The following TSPAN9 variants were observed in gnomAD, a reference collection of about 807,000 sequenced individuals.
The protein encoded by TSPAN9 is tetraspanin-9.
TSPAN9 carries 16 observed loss-of-function variants against 31.0 expected under a neutral mutation model. The ratio of observed to expected loss-of-function variants is 0.52; its 90% CI spans 0.35 to 0.78. The LOEUF (loss-of-function observed/expected upper bound fraction) is 0.78. Among genes scored for constraint, TSPAN9 ranks in the 30% least tolerant of loss-of-function variants. The pLI, the probability that TSPAN9 is intolerant of heterozygous loss-of-function variation, is 0.01. For synonymous variants in TSPAN9, 145 were observed against 121.6 expected (o/e 1.19, Z -1.27); for missense variants, 272 against 312.5 (o/e 0.87, Z 0.98).
At chr12:3,081,096 T>C (rs374967482) in intron 1 of TSPAN9, among the ~76,000 whole-genome samples, 3 of 152,296 alleles carry the variant, frequency 2.0e-5, no homozygotes, top group East Asian at 3.9e-4. Flanking sequence ...ACTCAGGGTG[T>C]TGGGAAGGAG....
intron 3 of TSPAN9, among the ~76,000 whole-genome samples, chr12:3,218,954 G>A (rs559838810): frequency 6.6e-5 from 10 of 152,308 alleles, no homozygotes; most frequent in Non-Finnish European, 1.0e-4. Flanking sequence ...TGGTGGACAT[G>A]TCAGCTGTCA....
chr12:3,225,903 C>T (rs773160993), intron 3 of TSPAN9, among the ~76,000 whole-genome samples: 30 of 152,126 alleles, frequency 2.0e-4, no homozygotes, highest in Non-Finnish European at 3.4e-4. Flanking sequence ...CCCAGAGGGA[C>T]GGTCCATGTG....
At chr12:3,267,076 C>A (rs2153979587) in intron 3 of TSPAN9, among the ~76,000 whole-genome samples, 1 of 152,324 alleles carries the variant, frequency 6.6e-6, no homozygotes, top group African/African-American at 2.4e-5. Flanking sequence ...GAGAGGCACC[C>A]AGTCATGAAG....
At chr12:3,205,628 C>T (rs1303452842) in intron 3 of TSPAN9, among the ~76,000 whole-genome samples, 1 of 152,062 alleles carries the variant, frequency 6.6e-6, no homozygotes, top group African/African-American at 2.4e-5. Context: ...CTCAAGGGTC[C>T]CAGCAGGGAG....
At chr12:3,268,065 G>C (rs2153979663) in intron 3 of TSPAN9, among the ~76,000 whole-genome samples, 1 of 152,340 alleles carries the variant, frequency 6.6e-6, no homozygotes, top group South Asian at 2.1e-4. Context: ...GGGAAGCGAA[G>C]CCTCCAGTGG....
chr12:3,144,636 G>C (rs1042002716), intron 2 of TSPAN9, among the ~76,000 whole-genome samples: 2 of 152,188 alleles, frequency 1.3e-5, no homozygotes, highest in Non-Finnish European at 2.9e-5. Context: ...AAGCCTCCCA[G>C]CTCGGGGTAC....
chr12:3,271,006 C>G (rs925980048), intron 3 of TSPAN9, among the ~76,000 whole-genome samples: 4 of 152,250 alleles, frequency 2.6e-5, no homozygotes, highest in African/African-American at 9.6e-5. Context: ...TAGACATTCT[C>G]TCTTAGAACT....
chr12:3,158,254 G>A lies in TSPAN9; in HGVS notation c.-17-42923G>A, dbSNP rs573990094. 3.3e-5 allele frequency among the ~76,000 whole-genome samples: 5 copies of A among 152,308 alleles called. No individual in the cohort carries two copies. The South Asian group carries it at 1.0e-3, about 32-fold the overall frequency. ...CCCATGGATGCCTCCTACAAGATCT[G>A]TGGAAGTGGCTGTTCAGTCTGTCTG... is the stretch of plus-strand genomic sequence containing the variant. On this transcript the variant is annotated intron_variant, in intron 2 of 8. Coordinates refer to ENST00000011898, the MANE Select transcript of TSPAN9 (RefSeq NM_006675.5).
chr12:3,197,027 C>G (rs1286840222), intron 2 of TSPAN9, among the ~76,000 whole-genome samples: 1 of 152,132 alleles, frequency 6.6e-6, no homozygotes, highest in Non-Finnish European at 1.5e-5. Context: ...TCAGCCCCTC[C>G]AATTTGTTCA....
At chr12:3,083,066 C>T (rs1396215890) in intron 1 of TSPAN9, among the ~76,000 whole-genome samples, 1 of 152,238 alleles carries the variant, frequency 6.6e-6, no homozygotes, top group Non-Finnish European at 1.5e-5. Context: ...TATCCTCACA[C>T]CCCAAGTTAA....
intron 1 of TSPAN9, among the ~76,000 whole-genome samples, chr12:3,079,778 T>TA (rs2098296892): frequency 6.7e-6 from 1 of 150,290 alleles, no homozygotes. Flanking sequence ...TCTATTTTTT[T>TA]TTTTTTTTTT....
rs1461337700 is a variant in TSPAN9, at chr12:3,077,403, G to A, written c.-135G>A. ...TGTTTCCGCTGGCGGCGGCGGCGGC[G>A]GCGGTGCCGGAGCGCGAGCAGAGCG... On this transcript the variant is annotated 5_prime_UTR_variant, in exon 1 of 9. Transcript: ENST00000011898. 4 of 151,628 alleles carry A rather than the reference G, an allele frequency of 2.6e-5. No homozygotes were observed. Among genetic ancestry groups the A allele is most frequent in the African/African-American group, 9.7e-5 (4 of 41,158 alleles). The allele number at this position is 151,628 out of a possible 1,614,324, so 9.4% of individuals were successfully genotyped here.
intron 4 of TSPAN9, 114 bp from the exon 5 acceptor site, chr12:3,278,878 T>G: frequency 8.6e-7 from 1 of 1,156,330 alleles, no homozygotes; most frequent in Non-Finnish European, 1.3e-6. Flanking sequence ...GGAGCTGGCT[T>G]CTCCCAGACC....
At chr12:3,213,248 C>G (rs929511946) in intron 3 of TSPAN9, among the ~76,000 whole-genome samples, 9 of 152,166 alleles carry the variant, frequency 5.9e-5, no homozygotes, top group African/African-American at 1.7e-4. Context: ...AAGCAAACGG[C>G]AGTTGCTGGC....
At chr12:3,078,231 G>C (rs760797861) in intron 1 of TSPAN9, among the ~76,000 whole-genome samples, 1 of 152,058 alleles carries the variant, frequency 6.6e-6, no homozygotes, top group Non-Finnish European at 1.5e-5. Flanking sequence ...CAAAACGGGG[G>C]GTAAGAAGGC....
At chr12:3,276,453 G>GCTC (rs1862789462) in intron 3 of TSPAN9, among the ~76,000 whole-genome samples, 2 of 152,180 alleles carry the variant, frequency 1.3e-5, no homozygotes, top group African/African-American at 4.8e-5. Context: ...CGGCCAGCGT[G>GCTC]CTCCTCCTTG....
intron 3 of TSPAN9, among the ~76,000 whole-genome samples, chr12:3,217,230 C>A (rs911231458): frequency 1.3e-5 from 2 of 152,210 alleles, no homozygotes; most frequent in Non-Finnish European, 2.9e-5. Context: ...CATGCCCGGA[C>A]CTTGGATGCC....
Position 3,266,402 on chromosome 12 carries a change from C to T in TSPAN9, c.64-12019C>T, listed in dbSNP as rs184600348. Among the ~76,000 whole-genome samples the T allele has an allele frequency of 1.4e-4, 22 of 152,236 alleles. No homozygotes were observed. The East Asian group carries it at 1.9e-3, about 13-fold the overall frequency. On this transcript the variant is annotated intron_variant, in intron 3 of 8. Coordinates refer to ENST00000011898, the MANE Select transcript of TSPAN9 (RefSeq NM_006675.5). ...AAGCACTCAGACTAGCACTGGTGCA[C>T]GATCGGCACTCGTCCACAGCCACAG...
intron 3 of TSPAN9, among the ~76,000 whole-genome samples, chr12:3,276,346 G>A (rs543331874): frequency 6.6e-6 from 1 of 152,294 alleles, no homozygotes; most frequent in South Asian, 2.1e-4. Flanking sequence ...ACACTTGCAC[G>A]TTTCCTTTAC....
Sources: allele counts gnomAD v4.1 joint callset (sites outside exome capture counted in the v4.1 genomes callset), GRCh38; gene constraint gnomAD v4.1.1; transcripts MANE v1.5; gene names NCBI Gene and HGNC (gene_info 2026-07-23, HGNC 2026-07-21).